Variants in PPFIA1 observed in about 807,000 individuals in gnomAD.
The protein encoded by PPFIA1 is PPFI scaffold protein A1.
A neutral mutation model predicts 149.9 loss-of-function variants in PPFIA1; 25 were observed. The ratio of observed to expected loss-of-function variants is 0.17; its 90% CI spans 0.12 to 0.23. PPFIA1 has a LOEUF of 0.23. PPFIA1 is among the 10% of genes least tolerant of loss of function. The pLI is 1.00. For synonymous variants in PPFIA1, 549 were observed against 552.8 expected (o/e 0.99, Z 0.10); for missense variants, 1,362 against 1,506.5 (o/e 0.90, Z 1.59).
intron 23 of PPFIA1, chr11:70,374,194 T>C (rs1050997622): frequency 6.6e-6 from 1 of 152,154 alleles, no homozygotes; most frequent in African/African-American, 2.4e-5. Context: ...GGGAACATAG[T>C]GAGACCCTGT....
At chr11:70,376,696 A>G (rs369256928) in intron 25 of PPFIA1, 96 bp downstream of exon 25, 44 of 1,066,372 alleles carry the variant, frequency 4.1e-5, no homozygotes, top group East Asian at 3.8e-4. Context: ...TATACTTGGG[A>G]CATCATGTAG....
chr11:70,273,137 G>A lies in PPFIA1; in HGVS notation c.264+701G>A, dbSNP rs201116830. Among the ~76,000 whole-genome samples the A allele has an allele frequency of 2.6e-5, 4 of 152,282 alleles. No homozygotes were observed. In the East Asian group the frequency reaches 7.7e-4, roughly 29 times the overall value. On this transcript the variant is annotated intron_variant, in intron 2 of 27. Coordinates refer to ENST00000253925, the MANE Select transcript of PPFIA1 (RefSeq NM_003626.5). ...TACCAAAAATACAAAAATTAGCAGA[G>A]CGTGGTAGCGCGCATCTGTAGTCCC...
chr11:70,312,911 C>T (rs1314606735), intron 2 of PPFIA1, among the ~76,000 whole-genome samples: 1 of 152,136 alleles, frequency 6.6e-6, no homozygotes, highest in Non-Finnish European at 1.5e-5. Context: ...CGGGTGTGAC[C>T]ACCTAGCAAG....
intron 2 of PPFIA1, among the ~76,000 whole-genome samples, chr11:70,299,874 A>G (rs1301964778): frequency 1.3e-5 from 2 of 152,162 alleles, no homozygotes; most frequent in Non-Finnish European, 2.9e-5. Flanking sequence ...CACCCAGCAC[A>G]CTTGCCACAG....
chr11:70,293,137 A>C (rs1013192629), intron 2 of PPFIA1, among the ~76,000 whole-genome samples: 1 of 152,244 alleles, frequency 6.6e-6, no homozygotes, highest in Non-Finnish European at 1.5e-5. Context: ...GCATCCTAGA[A>C]TGATGAAATA....
intron 2 of PPFIA1, among the ~76,000 whole-genome samples, chr11:70,310,772 T>G (rs529438349): frequency 6.6e-6 from 1 of 152,316 alleles, no homozygotes; most frequent in South Asian, 2.1e-4. Context: ...AAGTTCAAGC[T>G]GCGGTTGGTA....
intron 8 of PPFIA1, among the ~76,000 whole-genome samples, 185 bp from the exon 9 acceptor site, chr11:70,331,775 G>A (rs1176636535): frequency 7.1e-6 from 1 of 141,122 alleles, no homozygotes; most frequent in Non-Finnish European, 1.5e-5. Flanking sequence ...GCGAGACTAT[G>A]TCTCAAAAAC....
In PPFIA1 at chr11:70,333,500, A is replaced by G. The variant is rs2054793727; in HGVS notation, c.1243A>G (p.Arg415Gly). 1.9e-6 allele frequency: 3 copies of G among 1,613,266 alleles called. No homozygotes were observed. In the African/African-American group the frequency reaches 4.0e-5, roughly 22 times the overall value. The change falls in exon 10 of 28, where the codon AGG becomes GGG. Residue 415 changes from arginine to glycine, a missense_variant. Arg to Gly is a moderately radical substitution (Grantham distance 125, BLOSUM62 -2). Coordinates refer to ENST00000253925, the MANE Select transcript of PPFIA1 (RefSeq NM_003626.5). ...AEERHGNIEE[R>G]LRQMEAQLEE... ...AGAGAGACACGGCAACATTGAAGAAAGGTTACGACAGATGGAAGCACAGTT... is the reference window on the plus strand; with the variant it reads ...AGAGAGACACGGCAACATTGAAGAAGGGTTACGACAGATGGAAGCACAGTT...
At chr11:70,305,257 A>T (rs1338404597) in intron 2 of PPFIA1, among the ~76,000 whole-genome samples, 1 of 152,220 alleles carries the variant, frequency 6.6e-6, no homozygotes, top group Non-Finnish European at 1.5e-5. Context: ...AATTTCTTGG[A>T]AATGTTTGAA....
intron 2 of PPFIA1, among the ~76,000 whole-genome samples, chr11:70,294,866 G>C (rs925680037): frequency 6.6e-6 from 1 of 151,348 alleles, no homozygotes; most frequent in Non-Finnish European, 1.5e-5. Context: ...GCACAGGGTT[G>C]GGGGGTAAGG....
rs2054322863 is a variant in PPFIA1 at position 70,326,837 on chromosome 11, TAC to T, written c.930+21_930+22del. On this transcript the variant is annotated intron_variant, in intron 7 of 27. Transcript: ENST00000253925. ...CCGTGAAGTGAGCAATAACAAAAAC[TAC>T]AGTCTTGTCATGAAGTTGTATGTTT... The T allele has an allele frequency of 6.3e-7, 1 of 1,588,870 alleles. No individual in the cohort carries two copies. The highest frequency in any genetic ancestry group is 1.3e-5 in the African/African-American group (1 of 74,220).
chr11:70,348,424 C>T lies in PPFIA1; in HGVS notation c.2163+4C>T, dbSNP rs1306794085. The T allele has an allele frequency of 8.8e-6, 14 of 1,587,016 alleles. No homozygotes were observed. Among genetic ancestry groups the T allele is most frequent in the East Asian group, 2.2e-5 (1 of 44,638 alleles). ...CAGACTGGGCGTCATGACCCTTGTA[C>T]GTATCCGCCCTTTCCCTGCTGTGGC... On this transcript the variant is annotated splice_donor_region_variant and intron_variant, in intron 16 of 27. Transcript: ENST00000253925.
At chr11:70,296,259 T>C (rs2052007786) in intron 2 of PPFIA1, among the ~76,000 whole-genome samples, 1 of 151,946 alleles carries the variant, frequency 6.6e-6, no homozygotes, top group Non-Finnish European at 1.5e-5. Flanking sequence ...GCAGAGACGC[T>C]CCTCACTTCC....
chr11:70,384,225 T>A lies in PPFIA1; in HGVS notation c.*1235T>A, dbSNP rs1171391964. 5 of 152,432 alleles carry A rather than the reference T, an allele frequency of 3.3e-5. No individual in the cohort carries two copies. The highest frequency in any genetic ancestry group is 1.2e-4 in the African/African-American group (5 of 41,462). 9.4% of individuals were successfully genotyped at this position (152,432 alleles called of 1,614,324 possible). A position where few individuals can be genotyped will look rare whatever the true frequency, so the allele number is the denominator to read the frequency against. On this transcript the variant is annotated 3_prime_UTR_variant, in exon 28 of 28. Transcript: ENST00000253925. Reference sequence around the variant, plus strand: ...GCAGCCTGTCTTTTCAGTTGGTTTCTGCTTTTAATTTACTTGTACAATTCA... The same window carrying A: ...GCAGCCTGTCTTTTCAGTTGGTTTCAGCTTTTAATTTACTTGTACAATTCA...
At chr11:70,376,488 T>TA (rs1283025767) in intron 24 of PPFIA1, 44 bp from the exon 25 acceptor site, 1 of 1,538,844 alleles carries the variant, frequency 6.5e-7, no homozygotes, top group African/African-American at 1.4e-5. Context: ...CCCTTCAAAT[T>TA]AGATTTGATG....
chr11:70,325,395 A>G (rs1683959821), intron 4 of PPFIA1, 105 bp from the exon 5 acceptor site: 3 of 606,304 alleles, frequency 4.9e-6, no homozygotes, highest in East Asian at 3.2e-5. Flanking sequence ...ATGTTATATT[A>G]CACTAATATA....
intron 16 of PPFIA1, among the ~76,000 whole-genome samples, chr11:70,353,067 G>A (rs1466720337): frequency 6.6e-6 from 1 of 152,214 alleles, no homozygotes; most frequent in African/African-American, 2.4e-5. Context: ...AGGAAAGGAT[G>A]CAGGATTCAT....
intron 2 of PPFIA1, among the ~76,000 whole-genome samples, chr11:70,308,762 AAAAAC>A (rs546172482): frequency 1.7e-4 from 26 of 152,046 alleles, no homozygotes; most frequent in Non-Finnish European, 2.5e-4. Context: ...CATCTCTTAA[AAAAAC>A]AAAACAAAAC....
chr11:70,382,261 C>T, intron 27 of PPFIA1, 103 bp downstream of exon 27: 1 of 768,444 alleles, frequency 1.3e-6, no homozygotes, highest in Non-Finnish European at 2.1e-6. Flanking sequence ...AAAGCCAGTG[C>T]AGTTTTTGGG....
Sources: allele counts gnomAD v4.1 joint callset (sites outside exome capture counted in the v4.1 genomes callset), GRCh38; gene constraint gnomAD v4.1.1; transcripts MANE v1.5; gene names NCBI Gene and HGNC (gene_info 2026-07-23, HGNC 2026-07-21).